Variants in USP50 observed in about 807,000 individuals in gnomAD.
The protein encoded by USP50 is ubiquitin carboxyl-terminal hydrolase 50.
A neutral mutation model predicts 39.2 loss-of-function variants in USP50; 37 were observed. That is an observed-to-expected ratio of 0.94 (90% CI 0.73 to 1.24). The LOEUF is 1.24. Among genes scored for constraint, USP50 ranks in the 50% most tolerant of loss-of-function variants. USP50 has a pLI of 0.00. For missense variants in USP50, 374 were observed against 398.2 expected, an observed-to-expected ratio of 0.94 and a Z score of 0.52; for synonymous variants, 139 against 144.5, an observed-to-expected ratio of 0.96 and a Z score of 0.27.
downstream of USP50, chr15:50,500,052 A>ACTC (rs557729728): frequency 5.4e-3 from 821 of 152,196 alleles, 10 homozygotes; most frequent in African/African-American, 0.019. Flanking sequence ...TAACCGAGGG[A>ACTC]CTCAGTTGCT....
chr15:50,498,559 T>C, downstream of USP50: 1 of 1,568,354 alleles, frequency 6.4e-7, no homozygotes. Context: ...CCTGGTATCT[T>C]CCTCTGTCAG....
intron 2 of USP50, 159 bp from the exon 3 acceptor site, chr15:50,543,952 C>T: frequency 1.5e-6 from 1 of 668,552 alleles, no homozygotes; most frequent in South Asian, 1.8e-5. Flanking sequence ...AGCTTGAGCC[C>T]CCAGAAGGTC....
At chr15:50,497,341 G>A (rs1349326487), downstream of USP50, 74 of 1,347,198 alleles carry the variant, frequency 5.5e-5, 1 homozygote, top group South Asian at 5.0e-4. Flanking sequence ...AACAAAGGGC[G>A]ATTATCTGGT....
rs181500492 is a variant in USP50, at chr15:50,529,547, C to T, written c.936+250G>A. 5.9e-5 allele frequency among the ~76,000 whole-genome samples: 9 copies of T among 152,168 alleles called. No homozygotes were observed. The East Asian group carries it at 1.7e-3, about 29-fold the overall frequency. On this transcript the variant is annotated intron_variant, in intron 6 of 6. Transcript: ENST00000532404. ...TCTGCTGCTGCTGCTTCTAGGAGCA[C>T]AATTTGCAGTATCCTTAGATCTTAG...
chr15:50,495,466 CT>C (rs1331946666), intron 1 of USP50, among the ~76,000 whole-genome samples: 2 of 140,530 alleles, frequency 1.4e-5, no homozygotes, highest in African/African-American at 2.8e-5. Context: ...TTAGCTTTTT[CT>C]TTTTTTAGTA....
At chr15:50,494,040 T>G (rs374051412) in exon 2 of USP50, 1 of 1,590,928 alleles carries the variant, frequency 6.3e-7, no homozygotes, top group Non-Finnish European at 8.5e-7. Flanking sequence ...TTTCCTTTAT[T>G]GTCTTTTGTA....
At chr15:50,533,168 A>C (rs1362498377) in intron 5 of USP50, among the ~76,000 whole-genome samples, 1 of 151,602 alleles carries the variant, frequency 6.6e-6, no homozygotes, top group Non-Finnish European at 1.5e-5. Context: ...CCTAAAAAAA[A>C]AAGAAACAAA....
chr15:50,536,333 C>G (rs1454222776), intron 5 of USP50, among the ~76,000 whole-genome samples: 3 of 152,080 alleles, frequency 2.0e-5, no homozygotes, highest in Non-Finnish European at 2.9e-5. Flanking sequence ...CAGCTTTGAA[C>G]AAATGGAATT....
intron 6 of USP50, chr15:50,513,424 G>A (rs1011781724): frequency 4.0e-5 from 6 of 151,554 alleles, no homozygotes; most frequent in Non-Finnish European, 7.4e-5. Flanking sequence ...AGTATGCTTG[G>A]CGCGGTAGCT....
chr15:50,528,557 G>A (rs1040983562), intron 6 of USP50, among the ~76,000 whole-genome samples: 3 of 152,178 alleles, frequency 2.0e-5, no homozygotes, highest in African/African-American at 4.8e-5. Context: ...GGCAGTTCCT[G>A]CACTGTTCGG....
At chr15:50,535,596 A>G (rs1016791056) in intron 5 of USP50, among the ~76,000 whole-genome samples, 3 of 152,226 alleles carry the variant, frequency 2.0e-5, no homozygotes, top group Non-Finnish European at 4.4e-5. Flanking sequence ...AAATAACACA[A>G]GTCAAAGAAG....
downstream of USP50, among the ~76,000 whole-genome samples, chr15:50,497,985 G>T (rs1224786910): frequency 1.3e-5 from 2 of 151,996 alleles, no homozygotes; most frequent in Non-Finnish European, 2.9e-5. Flanking sequence ...TCTAACAAAA[G>T]CTAGTTTTTT....
intron 6 of USP50, among the ~76,000 whole-genome samples, chr15:50,526,592 T>C (rs2052900401): frequency 6.6e-6 from 1 of 152,248 alleles, no homozygotes; most frequent in African/African-American, 2.4e-5. Flanking sequence ...TACAAGCATG[T>C]GTTAACTGTA....
At chr15:50,529,032 T>G (rs549363304) in intron 6 of USP50, among the ~76,000 whole-genome samples, 2 of 152,130 alleles carry the variant, frequency 1.3e-5, no homozygotes, top group Non-Finnish European at 2.9e-5. Flanking sequence ...TCCGGTGGTT[T>G]GGTCTAAATT....
rs373904683 is a variant in USP50, at chr15:50,529,909, G to A, written c.824C>T (p.Thr275Ile). ...HLKRFDIQGT[T>I]KRKLRTDIHY... ...AATATCCGTTCTCAGCTTCCTTTTT[G>A]TTGTACCCTGAATGTCAAACCTGCA... The change falls in exon 6 of 7, where the codon ACA (threonine) becomes ATA (isoleucine). Residue 275 changes from threonine to isoleucine, a missense_variant. Coordinates refer to ENST00000532404, the MANE Select transcript of USP50 (RefSeq NM_203494.5). The A allele has an allele frequency of 6.2e-6, 10 of 1,613,828 alleles. No individual in the cohort carries two copies. In the East Asian group the frequency reaches 8.9e-5, roughly 14 times the overall value.
chr15:50,543,414 A>G (rs73407277), intron 3 of USP50, among the ~76,000 whole-genome samples, 184 bp downstream of exon 3: 2,482 of 152,334 alleles, frequency 0.016, 85 homozygotes, highest in African/African-American at 0.057. Context: ...GATTCTGATG[A>G]CAAGTAAGTT....
downstream of USP50, chr15:50,497,076 T>C: frequency 1.9e-6 from 3 of 1,586,702 alleles, no homozygotes; most frequent in Non-Finnish European, 2.6e-6. Flanking sequence ...TGCTACTTGT[T>C]TTTTTCTGCC....
intron 5 of USP50, among the ~76,000 whole-genome samples, chr15:50,532,408 G>A (rs1007857474): frequency 3.3e-5 from 5 of 152,078 alleles, no homozygotes; most frequent in Non-Finnish European, 7.3e-5. Context: ...CTGTTCCACC[G>A]AAGCGGGTGT....
intron 6 of USP50, among the ~76,000 whole-genome samples, chr15:50,520,769 G>C (rs1008945336): frequency 1.3e-5 from 2 of 152,122 alleles, no homozygotes; most frequent in South Asian, 2.1e-4. Flanking sequence ...CATATGTGAG[G>C]CCTAAAAAAA....
Sources: gnomAD v4.1 joint callset for allele counts (sites outside exome capture counted in the v4.1 genomes callset) on GRCh38, gnomAD v4.1.1 for gene constraint, MANE v1.5 for transcripts, NCBI Gene and HGNC (gene_info 2026-07-23, HGNC 2026-07-21) for gene names.